The following FSTL4 variants were observed in gnomAD, a reference collection of about 807,000 sequenced individuals.
FSTL4 encodes the protein follistatin-related protein 4.
A neutral mutation model predicts 78.2 loss-of-function variants in FSTL4; 28 were observed. The observed-to-expected ratio is 0.36, with a 90% confidence interval of 0.27 to 0.49. The LOEUF is 0.49. Ranked by LOEUF, FSTL4 falls within the 20% of genes least tolerant of loss-of-function variation. The pLI is 0.98. For synonymous variants in FSTL4, 422 were observed against 440.5 expected (o/e 0.96, Z 0.53); for missense variants, 922 against 1,084.9 (o/e 0.85, Z 2.11).
intron 4 of FSTL4, among the ~76,000 whole-genome samples, chr5:133,380,242 C>T (rs1475529488): frequency 1.4e-5 from 2 of 147,944 alleles, no homozygotes; most frequent in African/African-American, 5.1e-5. Context: ...CTCAACAAAC[C>T]CAAAAATTGG....
At chr5:133,836,319 G>A in the FSTL4 span, among the ~76,000 whole-genome samples, 5 of 151,914 alleles carry the variant, frequency 3.3e-5, no homozygotes, top group Admixed American at 2.6e-4. Context: ...GTTATACATC[G>A]TTTTACAAAT....
intron 3 of FSTL4, among the ~76,000 whole-genome samples, chr5:133,516,691 G>A (rs1283489544): frequency 6.6e-6 from 1 of 152,104 alleles, no homozygotes; most frequent in Non-Finnish European, 1.5e-5. Flanking sequence ...AAAAGATTCA[G>A]AAAAGGCAGT....
At chr5:133,577,264 C>G (rs77891931) in intron 2 of FSTL4, among the ~76,000 whole-genome samples, 148 of 152,274 alleles carry the variant, frequency 9.7e-4, no homozygotes, top group South Asian at 3.7e-3. Flanking sequence ...CTAAACACCC[C>G]CTGCTTCCTC....
At chr5:133,641,357 T>A in the FSTL4 span, among the ~76,000 whole-genome samples, 1 of 152,206 alleles carries the variant, frequency 6.6e-6, no homozygotes, top group East Asian at 1.9e-4. Context: ...ATTCCATTTA[T>A]TCTAGATATT....
At chr5:133,275,303 T>C (rs568759895) in intron 6 of FSTL4, among the ~76,000 whole-genome samples, 31 of 151,956 alleles carry the variant, frequency 2.0e-4, no homozygotes, top group Non-Finnish European at 4.1e-4. Flanking sequence ...CTCATGCCTA[T>C]AATCCCAGCA....
At chr5:133,235,287 C>T (rs1370374584) in intron 7 of FSTL4, among the ~76,000 whole-genome samples, 1 of 152,110 alleles carries the variant, frequency 6.6e-6, no homozygotes, top group South Asian at 2.1e-4. Context: ...TGAGACCAGC[C>T]TGGCCAACAT....
chr5:133,624,005 T>G, the FSTL4 span, among the ~76,000 whole-genome samples: 1 of 152,000 alleles, frequency 6.6e-6, no homozygotes, highest in Non-Finnish European at 1.5e-5. Context: ...ACTTTGCTGA[T>G]GGAAATGTAA....
chr5:133,798,559 G>A, the FSTL4 span, among the ~76,000 whole-genome samples: 6 of 151,398 alleles, frequency 4.0e-5, no homozygotes, highest in Non-Finnish European at 8.8e-5. Flanking sequence ...AACTAAGGGA[G>A]AGCTGAAACA....
chr5:133,561,723 T>C (rs1159021028), intron 3 of FSTL4, among the ~76,000 whole-genome samples: 1 of 152,222 alleles, frequency 6.6e-6, no homozygotes, highest in Non-Finnish European at 1.5e-5. Context: ...GAATTGGGAC[T>C]GATGGTTTGT....
chr5:133,789,421 A>T, the FSTL4 span, among the ~76,000 whole-genome samples: 1 of 152,144 alleles, frequency 6.6e-6, no homozygotes, highest in Non-Finnish European at 1.5e-5. Context: ...TTCTCTCTGG[A>T]CTCTACAAGG....
At chr5:133,598,651 C>T (rs1580813247) in intron 2 of FSTL4, among the ~76,000 whole-genome samples, 1 of 152,198 alleles carries the variant, frequency 6.6e-6, no homozygotes, top group African/African-American at 2.4e-5. Context: ...GCCCCCACAT[C>T]AACCAGCACC....
intron 3 of FSTL4, among the ~76,000 whole-genome samples, chr5:133,503,114 A>T (rs1561448300): frequency 6.6e-6 from 1 of 152,242 alleles, no homozygotes; most frequent in Non-Finnish European, 1.5e-5. Context: ...TCATTAGCAG[A>T]AAGGGCTGGT....
At chr5:133,425,084 G>A (rs978461138) in intron 3 of FSTL4, among the ~76,000 whole-genome samples, 7 of 152,116 alleles carry the variant, frequency 4.6e-5, no homozygotes, top group South Asian at 4.1e-4. Context: ...AAAGATCTAC[G>A]GGCTCACATG....
At chr5:133,205,742 TA>T (rs1444841512) in intron 14 of FSTL4, among the ~76,000 whole-genome samples, 2 of 151,850 alleles carry the variant, frequency 1.3e-5, no homozygotes, top group Non-Finnish European at 2.9e-5. Flanking sequence ...AGAAACACCG[TA>T]AAACTATGTA....
intron 3 of FSTL4, among the ~76,000 whole-genome samples, chr5:133,417,489 T>G (rs1756599584): frequency 6.6e-6 from 1 of 152,134 alleles, no homozygotes; most frequent in South Asian, 2.1e-4. Flanking sequence ...GCTAAAAATT[T>G]ACAAAACTGA....
intron 3 of FSTL4, among the ~76,000 whole-genome samples, chr5:133,501,340 T>C (rs938414223): frequency 1.3e-5 from 2 of 152,224 alleles, no homozygotes; most frequent in African/African-American, 4.8e-5. Context: ...TGGTCATGTT[T>C]GAAGGATGGA....
chr5:133,742,870 G>A, the FSTL4 span, among the ~76,000 whole-genome samples: 206 of 152,182 alleles, frequency 1.4e-3, no homozygotes, highest in African/African-American at 4.7e-3. Flanking sequence ...TGACAGGAGC[G>A]CGCGGTGGAG....
the FSTL4 span, among the ~76,000 whole-genome samples, chr5:133,711,314 C>G: frequency 6.6e-6 from 1 of 152,170 alleles, no homozygotes; most frequent in African/African-American, 2.4e-5. Context: ...AGATGGAAAC[C>G]CAGCCCCCAT....
the FSTL4 span, among the ~76,000 whole-genome samples, chr5:133,840,531 C>T: frequency 1.3e-5 from 2 of 152,232 alleles, no homozygotes; most frequent in African/African-American, 2.4e-5. Context: ...GCACAATTAA[C>T]CTCTGAAGGT....
Sources: gnomAD v4.1 joint callset for allele counts (sites outside exome capture counted in the v4.1 genomes callset) on GRCh38, gnomAD v4.1.1 for gene constraint, MANE v1.5 for transcripts, NCBI Gene and HGNC (gene_info 2026-07-23, HGNC 2026-07-21) for gene names.